The following BCL7A variants were observed in gnomAD, a reference collection of about 807,000 sequenced individuals.
The protein encoded by BCL7A is B-cell CLL/lymphoma 7 protein family member A.
Under a neutral mutation model 28.4 loss-of-function variants are expected in BCL7A, and 11 were observed. The ratio of observed to expected loss-of-function variants is 0.39; its 90% CI spans 0.24 to 0.64. The LOEUF is 0.64. BCL7A is among the 30% of genes least tolerant of loss of function. The probability of loss-of-function intolerance (pLI) is 0.50; values close to 1 mark genes in which losing one functional copy is unlikely to be tolerated. For missense variants in BCL7A, 222 were observed against 274.8 expected (o/e 0.81, Z 1.36); for synonymous variants, 123 against 103.3 (o/e 1.19, Z -1.15).
At chr12:122,023,999 C>G (rs1883547433) in intron 1 of BCL7A, among the ~76,000 whole-genome samples, 3 of 152,098 alleles carry the variant, frequency 2.0e-5, no homozygotes, top group African/African-American at 7.2e-5. Flanking sequence ...GCTCCTGCAC[C>G]CTGACAGCTG....
In BCL7A at chr12:122,059,484, A is replaced by G. The variant is rs918074560; in HGVS notation, c.*321A>G. Reference sequence around the variant, plus strand: ...TGCTGTATTTTCCCCCCACTTCTCTATGTAACGATATAAGCTATCGGAGGG... The same window carrying G: ...TGCTGTATTTTCCCCCCACTTCTCTGTGTAACGATATAAGCTATCGGAGGG... On this transcript the variant is annotated 3_prime_UTR_variant, in exon 6 of 6. Transcript: ENST00000261822. The surrounding 1 kb of genome is among the most constrained non-coding windows in gnomAD (Gnocchi z 4.0). 6.5e-5 allele frequency: 21 copies of G among 325,264 alleles called. No individual in the cohort carries two copies. The East Asian group carries it at 9.2e-4, about 14-fold the overall frequency. 20.1% of individuals were successfully genotyped at this position (325,264 alleles called of 1,614,324 possible). A position where few individuals can be genotyped will look rare whatever the true frequency, so the allele number is the denominator to read the frequency against.
chr12:122,026,489 C>T (rs546109823), intron 1 of BCL7A, among the ~76,000 whole-genome samples: 3 of 152,318 alleles, frequency 2.0e-5, no homozygotes, highest in Non-Finnish European at 4.4e-5. Context: ...CCCCTTAGCA[C>T]CTGGTCTGAG....
intron 1 of BCL7A, among the ~76,000 whole-genome samples, chr12:122,025,188 A>G (rs1396576625): frequency 6.6e-6 from 1 of 152,242 alleles, no homozygotes; most frequent in Admixed American, 6.5e-5. Flanking sequence ...GTAGGAGACG[A>G]AAGCTTGGGC....
intron 1 of BCL7A, among the ~76,000 whole-genome samples, chr12:122,024,981 A>C (rs1043359837): frequency 2.0e-5 from 3 of 149,736 alleles, no homozygotes; most frequent in Middle Eastern, 3.4e-3. Flanking sequence ...CCCCCGGAAA[A>C]AGCTGTGGCC....
At chr12:122,023,405 T>C (rs2135834511) in intron 1 of BCL7A, among the ~76,000 whole-genome samples, 1 of 152,148 alleles carries the variant, frequency 6.6e-6, no homozygotes, top group South Asian at 2.1e-4. Flanking sequence ...GGGGTGTCGT[T>C]TCTCGAGTAG....
At chr12:122,023,656 T>A (rs1883532084) in intron 1 of BCL7A, among the ~76,000 whole-genome samples, 1 of 152,052 alleles carries the variant, frequency 6.6e-6, no homozygotes, top group African/African-American at 2.4e-5. Flanking sequence ...CTTTCCAAAG[T>A]TGAGATCCAA....
Position 122,054,910 on chromosome 12 carries a change from C to T in BCL7A, c.545C>T (p.Thr182Met), listed in dbSNP as rs201508537. The part of the protein sequence containing the change: ...PSGDSGLAAE[T>M]SAISQDLEGV... ...GGAGACTCGGGTCTGGCCGCAGAGA[C>T]GTCTGCAATCTCTCAGGTACCTCGC... is the stretch of plus-strand genomic sequence containing the variant. The change falls in exon 5 of 6, where the codon ACG (threonine) becomes ATG (methionine). Residue 182 changes from threonine to methionine, a missense_variant. Around this residue, in one of 2 missense-constraint regions of BCL7A, gnomAD observed 155 missense variants for 145.7 expected, o/e 1.06. Coordinates refer to ENST00000261822, the MANE Select transcript of BCL7A (RefSeq NM_001024808.3). The T allele has an allele frequency of 4.3e-6, 7 of 1,614,180 alleles. No homozygotes were observed. Among genetic ancestry groups the T allele is most frequent in the East Asian group, 4.5e-5 (2 of 44,890 alleles).
intron 1 of BCL7A, among the ~76,000 whole-genome samples, chr12:122,024,044 G>A (rs1593020345): frequency 2.0e-5 from 3 of 152,236 alleles, no homozygotes; most frequent in Admixed American, 6.5e-5. Flanking sequence ...TGCAGGGAGG[G>A]CAGATGGAGA....
intron 4 of BCL7A, among the ~76,000 whole-genome samples, chr12:122,048,640 A>G (rs1286805173): frequency 1.3e-5 from 2 of 152,074 alleles, no homozygotes; most frequent in Non-Finnish European, 2.9e-5. Context: ...GGTCCCAGCT[A>G]CTTGGGAGGC....
chr12:122,025,128 A>C (rs1883588415), intron 1 of BCL7A, among the ~76,000 whole-genome samples: 1 of 152,132 alleles, frequency 6.6e-6, no homozygotes, highest in Non-Finnish European at 1.5e-5. Flanking sequence ...AAACTGGGCC[A>C]GGGTTTGGGG....
At chr12:122,052,670 ATTGTTTTGTTT>A (rs918751731) in intron 4 of BCL7A, among the ~76,000 whole-genome samples, 1 of 150,798 alleles carries the variant, frequency 6.6e-6, no homozygotes, top group Non-Finnish European at 1.5e-5. Context: ...TTGTTTTTTT[ATTGTTTTGTTT>A]TTTGTTTTGT....
At chr12:122,025,322 A>T (rs534879716) in intron 1 of BCL7A, among the ~76,000 whole-genome samples, 1 of 151,524 alleles carries the variant, frequency 6.6e-6, no homozygotes, top group South Asian at 2.1e-4. Flanking sequence ...TCAAACCAAA[A>T]AAAAAGAAAA....
At chr12:122,038,431 C>CAAAAAAAAAAAAAAAAAAAAA (rs56376395) in intron 3 of BCL7A, among the ~76,000 whole-genome samples, 1 of 33,554 alleles carries the variant, frequency 3.0e-5, no homozygotes, top group Non-Finnish European at 7.1e-5. Flanking sequence ...GACTCTGCCT[C>CAAAAAAAAAAAAAAAAAAAAA]AAAAAAAAAA....
chr12:122,057,005 C>G (rs570412396), intron 5 of BCL7A, among the ~76,000 whole-genome samples: 4 of 152,244 alleles, frequency 2.6e-5, no homozygotes, highest in Admixed American at 2.6e-4. Flanking sequence ...TACCTAATCC[C>G]TGCCTGCCAC....
intron 1 of BCL7A, among the ~76,000 whole-genome samples, chr12:122,030,246 C>T (rs1022823738): frequency 3.3e-5 from 5 of 152,226 alleles, no homozygotes; most frequent in Admixed American, 6.5e-5. Flanking sequence ...TGACCTCAGA[C>T]GCATCGCCCA....
At chr12:122,054,216 G>C (rs1015312606) in intron 4 of BCL7A, among the ~76,000 whole-genome samples, 139 of 151,964 alleles carry the variant, frequency 9.1e-4, no homozygotes, top group Non-Finnish European at 1.6e-3. Context: ...TCCCGAGTAG[G>C]TGGGACTACA....
At chr12:122,030,418 G>T in intron 1 of BCL7A, among the ~76,000 whole-genome samples, 1 of 152,356 alleles carries the variant, frequency 6.6e-6, no homozygotes, top group South Asian at 2.1e-4. Context: ...ACCTGGGCCC[G>T]ACTCGTGCCA....
At chr12:122,043,861 GTGGT>G (rs1884010398) in intron 3 of BCL7A, 21 bp from the exon 4 acceptor site, 2 of 1,583,572 alleles carry the variant, frequency 1.3e-6, no homozygotes, top group Non-Finnish European at 1.7e-6. Flanking sequence ...ATTTCATCCT[GTGGT>G]TCTGTTCCCA....
chr12:122,050,386 C>G, intron 4 of BCL7A, among the ~76,000 whole-genome samples: 1 of 152,164 alleles, frequency 6.6e-6, no homozygotes, highest in Middle Eastern at 3.2e-3. Context: ...CCAATGTCCC[C>G]AGGATAGGGG....
Sources: allele counts gnomAD v4.1 joint callset (sites outside exome capture counted in the v4.1 genomes callset), GRCh38; gene constraint gnomAD v4.1.1; regional missense constraint gnomAD v4.1.1; non-coding constraint Gnocchi (gnomAD v3.1); transcripts MANE v1.5; gene names NCBI Gene and HGNC (gene_info 2026-07-23, HGNC 2026-07-21).